The following MAST2 variants were observed in gnomAD, a reference collection of about 807,000 sequenced individuals.
MAST2 encodes the protein microtubule-associated serine/threonine-protein kinase 2.
In MAST2, 70 loss-of-function variants were observed where a neutral mutation model predicts 147.4. The observed-to-expected ratio is 0.47, with a 90% CI of 0.39 to 0.58. The LOEUF (loss-of-function observed/expected upper bound fraction) is 0.58, where lower values mean the gene tolerates loss of function less well. Ranked by LOEUF, MAST2 falls within the 20% of genes least tolerant of loss-of-function variation. The pLI is 0.00. For synonymous variants in MAST2, 869 were observed against 896.8 expected, an observed-to-expected ratio of 0.97 and a Z score of 0.55; for missense variants, 2,080 against 2,302.3, an observed-to-expected ratio of 0.90 and a Z score of 1.98.
At chr1:46,027,975 T>C in intron 17 of MAST2, 112 bp downstream of exon 17, 1 of 1,325,940 alleles carries the variant, frequency 7.5e-7, no homozygotes, top group South Asian at 1.4e-5. Flanking sequence ...GAGGATCGCT[T>C]GAGGCCAGCC....
chr1:46,010,775 A>C lies in MAST2; in HGVS notation c.1024A>C (p.Asn342His). The change falls in exon 10 of 29, where the codon AAC becomes CAC. Residue 342 changes from asparagine (N) to histidine (H), a missense_variant. Asn to His is a moderately conservative substitution (Grantham distance 68, BLOSUM62 1). This residue lies in a region of MAST2 where 569 missense variants were observed against 642.5 expected (regional missense o/e 0.89). Coordinates refer to ENST00000361297, the MANE Select transcript of MAST2 (RefSeq NM_015112.3). ...EERLAEFISSNTPDSVLPLAD... is the reference protein window; with the variant it reads ...EERLAEFISSHTPDSVLPLAD... ...GCGACTAGCAGAGTTTATTTCCTCCAACACTCCAGACAGCGTGCTGCCCTT... is the reference window on the plus strand; with the variant it reads ...GCGACTAGCAGAGTTTATTTCCTCCCACACTCCAGACAGCGTGCTGCCCTT... 10 of 1,614,118 alleles carry C rather than the reference A, an allele frequency of 6.2e-6. No homozygotes were observed. The African/African-American group carries it at 1.2e-4, about 19-fold the overall frequency.
chr1:45,873,189 A>G (rs1313009839), intron 3 of MAST2, among the ~76,000 whole-genome samples: 1 of 143,248 alleles, frequency 7.0e-6, no homozygotes, highest in East Asian at 2.0e-4. Flanking sequence ...TCTTCTTCCT[A>G]TTTTTTTTTT....
intron 1 of MAST2, among the ~76,000 whole-genome samples, chr1:45,822,746 C>G (rs137897470): frequency 4.6e-5 from 7 of 151,614 alleles, no homozygotes; most frequent in African/African-American, 1.7e-4. Context: ...GTGCTTGTCA[C>G]CTTTGTGAGT....
intron 5 of MAST2, among the ~76,000 whole-genome samples, chr1:45,961,093 T>C (rs992654511): frequency 1.3e-5 from 2 of 152,172 alleles, no homozygotes; most frequent in East Asian, 3.8e-4. Context: ...TTTAGTGTGA[T>C]GATGGCCCCT....
At chr1:45,987,777 A>ATCTTTTTTTTTTTTTTTTT (rs1644695534) in intron 5 of MAST2, among the ~76,000 whole-genome samples, 1 of 21,780 alleles carries the variant, frequency 4.6e-5, no homozygotes, top group African/African-American at 2.1e-4. Flanking sequence ...TTTTTTTTTG[A>ATCTTTTTTTTTTTTTTTTT]TTTTTTTTTT....
At chr1:45,806,274 G>A (rs1401387029) in intron 1 of MAST2, among the ~76,000 whole-genome samples, 2 of 152,206 alleles carry the variant, frequency 1.3e-5, no homozygotes, top group Admixed American at 6.5e-5. Context: ...AGTGTGTACT[G>A]TTTTGTGACC....
intron 8 of MAST2, among the ~76,000 whole-genome samples, chr1:46,007,374 C>A (rs1472587208): frequency 1.3e-5 from 2 of 152,160 alleles, no homozygotes; most frequent in African/African-American, 4.8e-5. Context: ...GCTCCAGTGC[C>A]TTTCTCTGTG....
intron 4 of MAST2, among the ~76,000 whole-genome samples, chr1:45,937,943 CA>C (rs1656540546): frequency 6.6e-6 from 1 of 152,100 alleles, no homozygotes; most frequent in African/African-American, 2.4e-5. Context: ...TTCTGTCACT[CA>C]GAAAGTTTAC....
At chr1:45,948,755 G>A (rs1184613315) in intron 4 of MAST2, among the ~76,000 whole-genome samples, 1 of 126,044 alleles carries the variant, frequency 7.9e-6, no homozygotes, top group African/African-American at 3.0e-5. Flanking sequence ...CAAGAAAAGA[G>A]CCCAAATCGC....
intron 4 of MAST2, among the ~76,000 whole-genome samples, chr1:45,945,468 T>A (rs1481508967): frequency 7.2e-5 from 11 of 152,260 alleles, no homozygotes; most frequent in African/African-American, 2.7e-4. Context: ...CTGGTCCTTA[T>A]GTAGCGTCTC....
chr1:45,889,797 G>A (rs1047824071), intron 4 of MAST2, among the ~76,000 whole-genome samples: 5 of 151,478 alleles, frequency 3.3e-5, no homozygotes, highest in Non-Finnish European at 5.9e-5. Context: ...TTTTAGTAGA[G>A]CCAGGGTTTC....
chr1:46,025,839 T>C (rs1557500044), intron 16 of MAST2, 24 bp downstream of exon 16: 1 of 1,614,058 alleles, frequency 6.2e-7, no homozygotes, highest in Non-Finnish European at 8.5e-7. Context: ...CTGTGTCCCT[T>C]GTCCAGGGTC....
At chr1:45,826,716 CATTG>C in intron 2 of MAST2, among the ~76,000 whole-genome samples, 1 of 152,330 alleles carries the variant, frequency 6.6e-6, no homozygotes, top group East Asian at 1.9e-4. Flanking sequence ...TGCCCAGTTG[CATTG>C]GTTACAGTCC....
intron 9 of MAST2, among the ~76,000 whole-genome samples, chr1:46,010,508 C>A (rs1419085604): frequency 6.6e-6 from 1 of 152,094 alleles, no homozygotes; most frequent in Non-Finnish European, 1.5e-5. Context: ...ATGGGCAAGA[C>A]CAGGTGAAAG....
At position 45,860,529 on chromosome 1, in the gene MAST2, A is replaced by G. The variant is rs183914173; in HGVS notation, c.469-21835A>G. ...TGTTTCATGTTAGATTCTATAATCC[A>G]GTATACATCTTACTACTCTTGGCCG... On this transcript the variant is annotated intron_variant, in intron 3 of 28. Coordinates refer to ENST00000361297, the MANE Select transcript of MAST2 (RefSeq NM_015112.3). Among the ~76,000 whole-genome samples the G allele has an allele frequency of 2.0e-5, 3 of 152,230 alleles. No individual in the cohort carries two copies. In the East Asian group the frequency reaches 5.8e-4, roughly 29 times the overall value.
intron 1 of MAST2, among the ~76,000 whole-genome samples, chr1:45,810,128 TA>T (rs1160176449): frequency 1.3e-5 from 2 of 152,364 alleles, no homozygotes; most frequent in East Asian, 3.9e-4. Context: ...AGTCATTATT[TA>T]TTGAATGAAT....
chr1:45,829,344 A>G (rs1644883853), intron 2 of MAST2, 95 bp from the exon 3 acceptor site: 4 of 1,083,468 alleles, frequency 3.7e-6, no homozygotes, highest in Non-Finnish European at 5.2e-6. Context: ...TTGTATCAGT[A>G]TGGTTTTATC....
intron 4 of MAST2, among the ~76,000 whole-genome samples, chr1:45,908,469 G>A (rs1166222820): frequency 6.6e-6 from 1 of 151,920 alleles, no homozygotes; most frequent in Non-Finnish European, 1.5e-5. Context: ...TCCATAATTT[G>A]GTGTGTGTGT....
intron 8 of MAST2, 188 bp downstream of exon 8, chr1:46,006,583 A>C (rs2149214128): frequency 2.3e-6 from 1 of 429,314 alleles, no homozygotes; most frequent in East Asian, 3.7e-5. Flanking sequence ...AATAATATAT[A>C]AACTTTATTT....
Sources: allele counts gnomAD v4.1 joint callset (sites outside exome capture counted in the v4.1 genomes callset), GRCh38; gene constraint gnomAD v4.1.1; regional missense constraint gnomAD v4.1.1; transcripts MANE v1.5; gene names NCBI Gene and HGNC (gene_info 2026-07-23, HGNC 2026-07-21).